Variants in EPB41L1 observed in about 807,000 individuals in gnomAD.
The protein encoded by EPB41L1 is erythrocyte membrane protein band 4.1 like 1.
EPB41L1 carries 29 observed loss-of-function variants against 97.8 expected under a neutral mutation model. The observed-to-expected ratio is 0.30, with a 90% confidence interval of 0.22 to 0.40. The LOEUF is 0.40. Ranked by LOEUF, EPB41L1 falls within the 10% of genes least tolerant of loss-of-function variation. The pLI, the probability that EPB41L1 is intolerant of heterozygous loss-of-function variation, is 1.00. For missense variants in EPB41L1, 812 were observed against 1,162.3 expected (o/e 0.70, Z 4.38); for synonymous variants, 383 against 459.2 (o/e 0.83, Z 2.12).
chr20:36,108,229 C>G (rs570635447), intron 1 of EPB41L1, among the ~76,000 whole-genome samples: 1 of 152,088 alleles, frequency 6.6e-6, no homozygotes, highest in East Asian at 1.9e-4. Context: ...GTCCTTCCAC[C>G]TCAGCCTCCC....
Position 36,231,214 on chromosome 20 carries a change from C to G in EPB41L1, c.*1874C>G, listed in dbSNP as rs968435941. ...CTCCCATCACAAGCTTGGCATTGCT[C>G]TCTGCCACACGTGGGCTTCCTCAGG... On this transcript the variant is annotated 3_prime_UTR_variant, in exon 22 of 22. Transcript: ENST00000338074. 4.6e-5 allele frequency: 7 copies of G among 152,252 alleles called. No homozygotes were observed. Among genetic ancestry groups the G allele is most frequent in the African/African-American group, 7.2e-5 (3 of 41,450 alleles). 9.4% of individuals were successfully genotyped at this position (152,252 alleles called of 1,614,324 possible). A position where few individuals can be genotyped will look rare whatever the true frequency, so the allele number is the denominator to read the frequency against.
At chr20:36,123,559 G>T (rs1001449325) in intron 2 of EPB41L1, among the ~76,000 whole-genome samples, 1 of 152,202 alleles carries the variant, frequency 6.6e-6, no homozygotes, top group Non-Finnish European at 1.5e-5. Flanking sequence ...TCCTGCCTCA[G>T]CTTCCCAAGT....
chr20:36,149,943 A>C (rs532998059), upstream of EPB41L1: 1 of 152,240 alleles, frequency 6.6e-6, no homozygotes, highest in Non-Finnish European at 1.5e-5. Context: ...AATGTGAGCC[A>C]CACGTGCAAG....
intron 14 of EPB41L1, among the ~76,000 whole-genome samples, chr20:36,199,657 C>T (rs924240151): frequency 6.6e-6 from 1 of 152,200 alleles, no homozygotes; most frequent in Non-Finnish European, 1.5e-5. Context: ...CCTCTGTTTG[C>T]CTCTGGCACA....
chr20:36,113,408 T>TTG (rs3057822), intron 2 of EPB41L1, among the ~76,000 whole-genome samples: 9,022 of 143,354 alleles, frequency 0.063, 346 homozygotes, highest in Non-Finnish European at 0.094. Flanking sequence ...AACTTTCCAT[T>TTG]TGTGTGTGTG....
chr20:36,184,190 G>A (rs532674611), intron 6 of EPB41L1, among the ~76,000 whole-genome samples: 5 of 152,040 alleles, frequency 3.3e-5, no homozygotes, highest in South Asian at 2.1e-4. Flanking sequence ...AGCTGAGATC[G>A]TGCCACTGCA....
intron 2 of EPB41L1, among the ~76,000 whole-genome samples, chr20:36,116,982 G>A (rs1345227609): frequency 1.3e-5 from 2 of 152,190 alleles, no homozygotes; most frequent in African/African-American, 4.8e-5. Flanking sequence ...TGCAGATGAG[G>A]AACTTGAGGT....
upstream of EPB41L1, among the ~76,000 whole-genome samples, chr20:36,153,252 G>T (rs746719217): frequency 6.6e-6 from 1 of 152,108 alleles, no homozygotes; most frequent in African/African-American, 2.4e-5. Flanking sequence ...AGGTCACCAT[G>T]ATGGAGCAGC....
At chr20:36,116,736 C>T (rs142084693) in intron 2 of EPB41L1, among the ~76,000 whole-genome samples, 1,549 of 152,266 alleles carry the variant, frequency 0.01, 27 homozygotes, top group African/African-American at 0.036. Flanking sequence ...GCTCCTTTCT[C>T]CTGTGCCCTC....
chr20:36,103,820 A>C (rs933821085), intron 1 of EPB41L1, among the ~76,000 whole-genome samples: 1 of 150,040 alleles, frequency 6.7e-6, no homozygotes, highest in Non-Finnish European at 1.5e-5. Context: ...CTCCTGCCTC[A>C]GCCTCCTGAG....
intron 2 of EPB41L1, among the ~76,000 whole-genome samples, chr20:36,147,941 C>T (rs940493367): frequency 4.6e-5 from 7 of 152,096 alleles, no homozygotes; most frequent in African/African-American, 1.4e-4. Context: ...AGGAATGTGG[C>T]TCCCAGACCT....
chr20:36,201,640 A>G (rs1215457934), intron 14 of EPB41L1, among the ~76,000 whole-genome samples: 4 of 152,092 alleles, frequency 2.6e-5, no homozygotes, highest in Non-Finnish European at 5.9e-5. Flanking sequence ...GGTTGTAGAG[A>G]GATTGGTCAG....
Position 36,207,139 on chromosome 20 carries a change from C to G in EPB41L1, c.1669-2349C>G. 7.8e-7 allele frequency: 1 copy of G among 1,289,526 alleles called. No homozygotes were observed. The allele number at this position is 1,289,526 out of a possible 1,614,324, so 79.9% of individuals were successfully genotyped here. A position where few individuals can be genotyped will look rare whatever the true frequency, so the allele number is the denominator to read the frequency against. ...CCTGGCAGCTCTGGAGGAAGCTTCT[C>G]CAAGCCCAACCTCCCATGGGTCAGG... On this transcript the variant is annotated intron_variant, in intron 14 of 21. Transcript: ENST00000338074. The surrounding 1 kb of genome is among the most constrained non-coding windows in gnomAD (Gnocchi z 4.9).
At chr20:36,166,961 T>C (rs994624787) in intron 1 of EPB41L1, among the ~76,000 whole-genome samples, 4 of 152,208 alleles carry the variant, frequency 2.6e-5, no homozygotes, top group African/African-American at 9.7e-5. Context: ...TGGAAATAGA[T>C]AGTGGTGATT....
intron 1 of EPB41L1, among the ~76,000 whole-genome samples, chr20:36,098,484 G>C (rs891312280): frequency 6.6e-6 from 1 of 152,160 alleles, no homozygotes; most frequent in East Asian, 1.9e-4. Flanking sequence ...CCTAGCTTCT[G>C]GTGGTTGCCA....
chr20:36,096,260 C>T (rs1263651980), intron 1 of EPB41L1, among the ~76,000 whole-genome samples: 1 of 152,150 alleles, frequency 6.6e-6, no homozygotes, highest in African/African-American at 2.4e-5. Context: ...TCAGGCCCCA[C>T]CTGGTAGGTA....
chr20:36,213,177 C>T (rs1004520375), intron 16 of EPB41L1, among the ~76,000 whole-genome samples: 3 of 152,136 alleles, frequency 2.0e-5, no homozygotes, highest in Admixed American at 6.5e-5. Context: ...GCAGGCAGAT[C>T]GCTTGAGCCC....
At chr20:36,150,789 G>A (rs1244258053), upstream of EPB41L1, 1 of 152,250 alleles carries the variant, frequency 6.6e-6, no homozygotes, top group Non-Finnish European at 1.5e-5. Context: ...GCTGGGGTAC[G>A]TGCCTCCACT....
rs141538783 is a variant in EPB41L1 at position 36,109,497 on chromosome 20, C to T, written c.-64-2929C>T. 3.5e-3 allele frequency among the ~76,000 whole-genome samples: 540 copies of T among 152,230 alleles called. 1 individual carries two copies. The highest frequency in any genetic ancestry group is 0.01 in the Middle Eastern group (3 of 294). Reference sequence around the variant, plus strand: ...GTGGTGATTGCTACTACTGTTAGTGCGGGGGCTGTTGCCACGACAGTACTG... The same window carrying T: ...GTGGTGATTGCTACTACTGTTAGTGTGGGGGCTGTTGCCACGACAGTACTG... On this transcript the variant is annotated intron_variant, in intron 1 of 19. Coordinates refer to the EPB41L1 transcript ENST00000202028.
Sources: gnomAD v4.1 joint callset for allele counts (sites outside exome capture counted in the v4.1 genomes callset) on GRCh38, gnomAD v4.1.1 for gene constraint, Gnocchi (gnomAD v3.1) non-coding constraint, MANE v1.5 for transcripts, NCBI Gene and HGNC (gene_info 2026-07-23, HGNC 2026-07-21) for gene names.